The following CDKAL1 variants were observed in gnomAD, a reference collection of about 807,000 sequenced individuals.
CDKAL1 encodes the protein CDKAL1 threonylcarbamoyladenosine tRNA methylthiotransferase.
A neutral mutation model predicts 68.2 loss-of-function variants in CDKAL1; 32 were observed. The ratio of observed to expected loss-of-function variants is 0.47; its 90% CI spans 0.35 to 0.63. The LOEUF (loss-of-function observed/expected upper bound fraction) is 0.63, where lower values mean the gene tolerates loss of function less well. Ranked by LOEUF, CDKAL1 falls within the 30% of genes least tolerant of loss-of-function variation. The probability of loss-of-function intolerance (pLI) is 0.00; values close to 1 mark genes in which losing one functional copy is unlikely to be tolerated. For synonymous variants in CDKAL1, 234 were observed against 244.3 expected (o/e 0.96, Z 0.39); for missense variants, 606 against 696.7 (o/e 0.87, Z 1.47).
chr6:21,166,490 G>C (rs913346549), intron 13 of CDKAL1, among the ~76,000 whole-genome samples: 6 of 152,138 alleles, frequency 3.9e-5, no homozygotes, highest in Non-Finnish European at 8.8e-5. Flanking sequence ...CTGCAGGAGT[G>C]CCAGTGGAAA....
intron 15 of CDKAL1, among the ~76,000 whole-genome samples, chr6:21,201,489 C>G (rs75265252): frequency 0.018 from 2,770 of 152,294 alleles, 80 homozygotes; most frequent in African/African-American, 0.061. Context: ...AGAATAAGCT[C>G]TTTCTGCTTC....
At chr6:21,221,762 T>A (rs1446117752) in intron 15 of CDKAL1, among the ~76,000 whole-genome samples, 1 of 152,214 alleles carries the variant, frequency 6.6e-6, no homozygotes, top group Non-Finnish European at 1.5e-5. Context: ...ACAGTGCCTC[T>A]GAGCCATGAG....
At chr6:20,671,042 C>G (rs1223868523) in intron 5 of CDKAL1, among the ~76,000 whole-genome samples, 1 of 152,100 alleles carries the variant, frequency 6.6e-6, no homozygotes, top group African/African-American at 2.4e-5. Flanking sequence ...GGATGAATTT[C>G]TAGAGTGCAG....
chr6:20,914,259 C>T (rs1762618671), intron 9 of CDKAL1, among the ~76,000 whole-genome samples: 1 of 152,144 alleles, frequency 6.6e-6, no homozygotes, highest in Non-Finnish European at 1.5e-5. Context: ...CACTGCACTC[C>T]CGCCTGGGTG....
intron 8 of CDKAL1, among the ~76,000 whole-genome samples, chr6:20,820,828 C>CT (rs1480975406): frequency 6.6e-6 from 1 of 152,066 alleles, no homozygotes; most frequent in East Asian, 1.9e-4. Flanking sequence ...AAGTTCCTGT[C>CT]TTCATGGAGT....
At chr6:20,641,105 C>T (rs9348440) in intron 4 of CDKAL1, among the ~76,000 whole-genome samples, 20,771 of 152,014 alleles carry the variant, frequency 0.14, 1,637 homozygotes, top group East Asian at 0.38. Flanking sequence ...TTTCTTGGTT[C>T]GGTGAGTCCA....
chr6:20,972,806 G>A (rs1765660574), intron 10 of CDKAL1, among the ~76,000 whole-genome samples: 1 of 152,166 alleles, frequency 6.6e-6, no homozygotes, highest in African/African-American at 2.4e-5. Context: ...TTTGACATGG[G>A]CCTGGATGTT....
chr6:20,921,427 AAAAT>A (rs761334716), intron 9 of CDKAL1, among the ~76,000 whole-genome samples: 1 of 152,176 alleles, frequency 6.6e-6, no homozygotes, highest in Non-Finnish European at 1.5e-5. Flanking sequence ...ACTCCGTCTC[AAAAT>A]AAATAAATAA....
At chr6:20,628,885 C>T (rs1365129605) in intron 4 of CDKAL1, among the ~76,000 whole-genome samples, 2 of 151,684 alleles carry the variant, frequency 1.3e-5, no homozygotes, top group African/African-American at 2.4e-5. Context: ...CCTTCTGAGT[C>T]ATTTGATAGT....
chr6:20,576,222 C>G (rs1221007739), intron 4 of CDKAL1, among the ~76,000 whole-genome samples: 1 of 152,166 alleles, frequency 6.6e-6, no homozygotes, highest in Non-Finnish European at 1.5e-5. Context: ...CACAGTTACT[C>G]CAGTCATGAG....
intron 9 of CDKAL1, among the ~76,000 whole-genome samples, chr6:20,915,000 T>A (rs1762655564): frequency 6.6e-6 from 1 of 152,164 alleles, no homozygotes; most frequent in Non-Finnish European, 1.5e-5. Context: ...AGAATTTACT[T>A]TCTGAAATAC....
chr6:20,699,293 A>G (rs1055495308), intron 5 of CDKAL1, among the ~76,000 whole-genome samples: 1 of 151,950 alleles, frequency 6.6e-6, no homozygotes, highest in African/African-American at 2.4e-5. Flanking sequence ...CTGCCATTCT[A>G]ATCATAAGAA....
At chr6:21,111,271 T>G (rs1774108217) in intron 13 of CDKAL1, among the ~76,000 whole-genome samples, 1 of 152,214 alleles carries the variant, frequency 6.6e-6, no homozygotes, top group South Asian at 2.1e-4. Context: ...TAGTCAGCAT[T>G]TTAGTGGATT....
chr6:20,541,305 C>T (rs1398217083), intron 2 of CDKAL1, among the ~76,000 whole-genome samples: 4 of 152,286 alleles, frequency 2.6e-5, no homozygotes, highest in African/African-American at 9.6e-5. Context: ...CTGGGCAGAG[C>T]AGGGCTGCAT....
chr6:20,828,838 C>T (rs1031046601), intron 8 of CDKAL1, among the ~76,000 whole-genome samples: 1 of 152,192 alleles, frequency 6.6e-6, no homozygotes, highest in South Asian at 2.1e-4. Context: ...ACTCTGTACT[C>T]ATTAAACAGT....
intron 6 of CDKAL1, among the ~76,000 whole-genome samples, chr6:20,745,162 T>A (rs1019519230): frequency 5.9e-5 from 9 of 152,230 alleles, no homozygotes; most frequent in African/African-American, 2.2e-4. Context: ...TGGTTAAACA[T>A]CTTTTCAGGC....
At chr6:21,211,631 T>C (rs1779151184) in intron 15 of CDKAL1, among the ~76,000 whole-genome samples, 1 of 152,228 alleles carries the variant, frequency 6.6e-6, no homozygotes, top group Non-Finnish European at 1.5e-5. Flanking sequence ...TCATATTCAT[T>C]GGCCAGAACA....
At chr6:20,764,620 C>G (rs1774613475) in intron 7 of CDKAL1, among the ~76,000 whole-genome samples, 1 of 152,138 alleles carries the variant, frequency 6.6e-6, no homozygotes, top group Non-Finnish European at 1.5e-5. Context: ...AGTACTGTAT[C>G]AAGTGTGGTT....
At chr6:21,069,770 C>CTTTTTTTTTTTTTTTTTTTT (rs1771654458) in intron 12 of CDKAL1, among the ~76,000 whole-genome samples, 1 of 42,254 alleles carries the variant, frequency 2.4e-5, no homozygotes, top group Non-Finnish European at 5.8e-5. Flanking sequence ...CCCAGATTTT[C>CTTTTTTTTTTTTTTTTTTTT]TTTCTTTTTT....
Sources: gnomAD v4.1 joint callset for allele counts (sites outside exome capture counted in the v4.1 genomes callset) on GRCh38, gnomAD v4.1.1 for gene constraint, MANE v1.5 for transcripts, NCBI Gene and HGNC (gene_info 2026-07-23, HGNC 2026-07-21) for gene names.